ARSG: variants seen among roughly 807,000 people sequenced by gnomAD.
ARSG encodes ASG.
A neutral mutation model predicts 50.5 loss-of-function variants in ARSG; 37 were observed. The ratio of observed to expected loss-of-function variants is 0.73; its 90% CI spans 0.56 to 0.96. The LOEUF is 0.96. Ranked by LOEUF, ARSG falls within the 50% of genes least tolerant of loss-of-function variation. The pLI is 0.00. For synonymous variants in ARSG, 225 were observed against 254.6 expected (o/e 0.88, Z 1.11); for missense variants, 629 against 675.3 (o/e 0.93, Z 0.76).
At chr17:68,265,368 C>T (rs2075137589) in intron 1 of ARSG, among the ~76,000 whole-genome samples, 1 of 151,912 alleles carries the variant, frequency 6.6e-6, no homozygotes, top group Non-Finnish European at 1.5e-5. Context: ...GTGGTGCACG[C>T]CTGTAATCCC....
At chr17:68,405,254 G>C (rs75716213) in intron 11 of ARSG, among the ~76,000 whole-genome samples, 1 of 149,448 alleles carries the variant, frequency 6.7e-6, no homozygotes, top group Non-Finnish European at 1.5e-5. Flanking sequence ...GATAAGGATT[G>C]TACTGAACCT....
chr17:68,305,663 CA>C (rs1293986561), intron 1 of ARSG, among the ~76,000 whole-genome samples: 2 of 152,238 alleles, frequency 1.3e-5, no homozygotes, highest in African/African-American at 4.8e-5. Flanking sequence ...ATGAAAATTA[CA>C]AACATACAGC....
At chr17:68,398,274 T>C (rs1441492254) in intron 10 of ARSG, among the ~76,000 whole-genome samples, 2 of 152,240 alleles carry the variant, frequency 1.3e-5, no homozygotes, top group East Asian at 3.8e-4. Flanking sequence ...TATGCATGTC[T>C]ATGCACATAT....
chr17:68,278,447 T>G, intron 1 of ARSG: 1 of 573,954 alleles, frequency 1.7e-6, no homozygotes, highest in South Asian at 2.2e-5. Flanking sequence ...TGTTGAATAT[T>G]TATTTATTTA....
intron 2 of ARSG, among the ~76,000 whole-genome samples, chr17:68,341,863 A>G (rs1236074647): frequency 2.6e-5 from 4 of 152,152 alleles, no homozygotes; most frequent in Admixed American, 2.6e-4. Flanking sequence ...TCTGTCGTCC[A>G]GACTGGAGTG....
intron 2 of ARSG, among the ~76,000 whole-genome samples, chr17:68,336,935 A>G (rs540949531): frequency 6.6e-6 from 1 of 152,314 alleles, no homozygotes; most frequent in South Asian, 2.1e-4. Flanking sequence ...ACCTGAGGTG[A>G]CAGGAAGATC....
At chr17:68,335,695 T>C (rs948032677) in intron 2 of ARSG, among the ~76,000 whole-genome samples, 1 of 152,066 alleles carries the variant, frequency 6.6e-6, no homozygotes, top group Admixed American at 6.6e-5. Context: ...GTGCTAACAT[T>C]GGAACATTTG....
chr17:68,309,925 A>T (rs1040985824), intron 2 of ARSG, among the ~76,000 whole-genome samples: 1 of 152,054 alleles, frequency 6.6e-6, no homozygotes, highest in South Asian at 2.1e-4. Context: ...AATTATAAGC[A>T]AATAGCTTCT....
At chr17:68,373,495 C>T (rs2079970494) in intron 8 of ARSG, among the ~76,000 whole-genome samples, 1 of 152,172 alleles carries the variant, frequency 6.6e-6, no homozygotes, top group Non-Finnish European at 1.5e-5. Flanking sequence ...TTCCAAAGTG[C>T]TGGGATTACA....
intron 1 of ARSG, among the ~76,000 whole-genome samples, chr17:68,286,348 A>G (rs1417722202): frequency 1.3e-5 from 2 of 152,180 alleles, no homozygotes; most frequent in African/African-American, 2.4e-5. Flanking sequence ...GGGAAAATTG[A>G]GGTTATCTTT....
intron 1 of ARSG, among the ~76,000 whole-genome samples, chr17:68,296,976 G>A (rs538328120): frequency 2.6e-4 from 40 of 152,328 alleles, no homozygotes; most frequent in African/African-American, 8.7e-4. Flanking sequence ...CTGGGCTGTT[G>A]ATGTTCATGT....
chr17:68,276,175 C>T (rs2075512802), intron 1 of ARSG, among the ~76,000 whole-genome samples: 1 of 151,258 alleles, frequency 6.6e-6, no homozygotes, highest in Non-Finnish European at 1.5e-5. Flanking sequence ...CTCACTGCAA[C>T]CTCTGCCTCC....
intron 1 of ARSG, among the ~76,000 whole-genome samples, chr17:68,306,338 A>C (rs2076608173): frequency 6.6e-6 from 1 of 151,966 alleles, no homozygotes; most frequent in Non-Finnish European, 1.5e-5. Flanking sequence ...GGTTTCAGTG[A>C]GCCGAGATTG....
At chr17:68,430,106 A>G in the ARSG span, 1 of 1,614,182 alleles carries the variant, frequency 6.2e-7, no homozygotes, top group Non-Finnish European at 8.5e-7. Flanking sequence ...AGTTGGTAGC[A>G]GCCATAAACA....
chr17:68,296,741 C>T (rs2076222823), intron 1 of ARSG, among the ~76,000 whole-genome samples: 1 of 152,192 alleles, frequency 6.6e-6, no homozygotes, highest in Non-Finnish European at 1.5e-5. Context: ...TGTTGTCTCC[C>T]AGGCCACAAA....
intron 1 of ARSG, chr17:68,272,738 T>C (rs782139549): frequency 5.0e-6 from 8 of 1,613,906 alleles, no homozygotes; most frequent in Non-Finnish European, 5.1e-6. Flanking sequence ...ATGGTTACAG[T>C]TGGGAGAAAA....
intron 2 of ARSG, among the ~76,000 whole-genome samples, chr17:68,314,525 CAAAAAAA>C (rs57021660): frequency 6.3e-4 from 74 of 116,996 alleles, no homozygotes; most frequent in African/African-American, 2.0e-3. Flanking sequence ...GACTCCATCT[CAAAAAAA>C]AAAAAAAAAA....
downstream of ARSG, chr17:68,427,122 C>A: frequency 1.9e-6 from 3 of 1,608,616 alleles, no homozygotes; most frequent in East Asian, 6.7e-5. Context: ...CTGTTGGCCC[C>A]GTGTCCACCC....
At chr17:68,383,567 G>A (rs971245467) in intron 8 of ARSG, among the ~76,000 whole-genome samples, 39 of 152,190 alleles carry the variant, frequency 2.6e-4, no homozygotes, top group African/African-American at 8.4e-4. Flanking sequence ...ATGCCCCCAC[G>A]GGGGTGGAAG....
Sources: gnomAD v4.1 joint callset for allele counts (sites outside exome capture counted in the v4.1 genomes callset) on GRCh38, gnomAD v4.1.1 for gene constraint, MANE v1.5 for transcripts, NCBI Gene and HGNC (gene_info 2026-07-23, HGNC 2026-07-21) for gene names.